CSMD1: variants seen among roughly 807,000 people sequenced by gnomAD.
The protein encoded by CSMD1 is CUB and sushi domain-containing protein 1.
CSMD1 carries 213 observed loss-of-function variants against 417.5 expected under a neutral mutation model. That is an observed-to-expected ratio of 0.51 (90% CI 0.46 to 0.57). CSMD1 has a LOEUF of 0.57. CSMD1 is among the 20% of genes least tolerant of loss of function. The probability of loss-of-function intolerance (pLI) is 0.00; values close to 1 mark genes in which losing one functional copy is unlikely to be tolerated. For synonymous variants in CSMD1, 2,862 were observed against 1,736.8 expected (o/e 1.65, Z -16.11); for missense variants, 6,923 against 4,529.7 (o/e 1.53, Z -15.17).
At position 4,749,256 on chromosome 8, in the gene CSMD1, T is replaced by C. The variant is rs1343697893; in HGVS notation, c.86-111698A>G. On this transcript the variant is annotated intron_variant, in intron 1 of 69. Coordinates refer to ENST00000635120, the MANE Select transcript of CSMD1 (RefSeq NM_033225.6). The stretch of plus-strand genomic sequence containing the variant: ...TTAAATGTTATCTTTAGAGAGAATA[T>C]GCTCATTTTATAAATTTTACTACAG... 4.6e-5 allele frequency among the ~76,000 whole-genome samples: 7 copies of C among 152,272 alleles called. 1 individual carries two copies. Among genetic ancestry groups the C allele is most frequent in the African/African-American group, 7.2e-5 (3 of 41,478 alleles).
rs1226267587 is a variant in CSMD1, at chr8:3,693,801, TGTGTGTGTGTTGTGTTTGTTATG to T, written c.1009+14590_1009+14612del. Reference sequence around the variant, plus strand: ...AATATAGATGTGTGTTGGCGTCGTGTGTGTGTGTGTTGTGTTTGTTATGGTGTGTGTGTTGTGTGTGTTAGGGT... The same window carrying T: ...AATATAGATGTGTGTTGGCGTCGTGTGTGTGTGTGTTGTGTGTGTTAGGGT... On this transcript the variant is annotated intron_variant, in intron 7 of 69. Coordinates refer to ENST00000635120, the MANE Select transcript of CSMD1 (RefSeq NM_033225.6). 4.4e-4 allele frequency among the ~76,000 whole-genome samples: 66 copies of T among 151,720 alleles called. 1 individual carries two copies. The highest frequency in any genetic ancestry group is 2.4e-5 in the African/African-American group (1 of 41,300).
chr8:3,221,056 C>T (rs1374010934), intron 28 of CSMD1, among the ~76,000 whole-genome samples: 2 of 151,570 alleles, frequency 1.3e-5, no homozygotes, highest in African/African-American at 4.9e-5. Context: ...TTTGTAATCA[C>T]TAAAATGTTC....
intron 7 of CSMD1, among the ~76,000 whole-genome samples, chr8:3,682,947 C>G (rs1458444464): frequency 1.3e-5 from 2 of 151,910 alleles, no homozygotes; most frequent in African/African-American, 2.4e-5. Context: ...ATCGCAAGGA[C>G]CAAAAACCAA....
chr8:4,308,275 A>G (rs1798360154), intron 3 of CSMD1, among the ~76,000 whole-genome samples: 1 of 151,714 alleles, frequency 6.6e-6, no homozygotes, highest in Admixed American at 6.6e-5. Context: ...TCTGTTGTGT[A>G]TAGTTGATGG....
intron 3 of CSMD1, among the ~76,000 whole-genome samples, chr8:4,176,423 T>A (rs1272242642): frequency 6.6e-6 from 1 of 152,122 alleles, no homozygotes; most frequent in Non-Finnish European, 1.5e-5. Flanking sequence ...TACCATGATT[T>A]TTACCTTGGA....
chr8:4,595,445 C>A (rs1047560452), intron 2 of CSMD1, among the ~76,000 whole-genome samples: 1 of 143,974 alleles, frequency 6.9e-6, no homozygotes, highest in Admixed American at 7.4e-5. Flanking sequence ...AATGGAAAGG[C>A]CTGGTAAGAC....
At chr8:3,485,363 T>C (rs184220128) in intron 11 of CSMD1, among the ~76,000 whole-genome samples, 11 of 152,216 alleles carry the variant, frequency 7.2e-5, no homozygotes, top group Middle Eastern at 3.4e-3. Flanking sequence ...GGAGTGCAGA[T>C]AATGTTTGGC....
intron 2 of CSMD1, among the ~76,000 whole-genome samples, chr8:4,557,959 T>G (rs1329767281): frequency 6.6e-6 from 1 of 152,182 alleles, no homozygotes; most frequent in Non-Finnish European, 1.5e-5. Context: ...AGCTGATAAA[T>G]AATAAGGTGG....
chr8:4,765,415 G>A lies in CSMD1; in HGVS notation c.86-127857C>T, dbSNP rs182455770. 2.6e-5 allele frequency among the ~76,000 whole-genome samples: 4 copies of A among 152,298 alleles called. No individual in the cohort carries two copies. In the East Asian group the frequency reaches 7.7e-4, roughly 29 times the overall value. Reference sequence around the variant, plus strand: ...TACATTGAGGATTATAGTCTTTCAAGATAATTCACTGTATACTGTTTCAAA... The same window carrying A: ...TACATTGAGGATTATAGTCTTTCAAAATAATTCACTGTATACTGTTTCAAA... On this transcript the variant is annotated intron_variant, in intron 1 of 69. Coordinates refer to ENST00000635120, the MANE Select transcript of CSMD1 (RefSeq NM_033225.6).
chr8:4,247,862 G>C (rs1419910143), intron 3 of CSMD1, among the ~76,000 whole-genome samples: 4 of 152,138 alleles, frequency 2.6e-5, no homozygotes, highest in Admixed American at 6.6e-5. Context: ...CATCGTTATA[G>C]AAATACAATG....
intron 6 of CSMD1, among the ~76,000 whole-genome samples, chr8:3,742,449 A>G (rs749239729): frequency 2.5e-4 from 38 of 152,182 alleles, no homozygotes; most frequent in Non-Finnish European, 5.0e-4. Context: ...CCTCTATCTA[A>G]TGCTTACAAT....
intron 1 of CSMD1, among the ~76,000 whole-genome samples, chr8:4,737,107 G>A (rs1384655981): frequency 6.6e-5 from 10 of 152,074 alleles, no homozygotes; most frequent in Non-Finnish European, 1.3e-4. Context: ...ATGATAGACT[G>A]AATAAAGAAA....
At chr8:4,244,377 G>A (rs957603788) in intron 3 of CSMD1, among the ~76,000 whole-genome samples, 13 of 152,152 alleles carry the variant, frequency 8.5e-5, no homozygotes, top group African/African-American at 1.4e-4. Flanking sequence ...ACCTAGAAAC[G>A]GATGTTTTTA....
chr8:4,542,623 G>T (rs530700879), intron 2 of CSMD1, among the ~76,000 whole-genome samples: 2 of 152,178 alleles, frequency 1.3e-5, no homozygotes, highest in South Asian at 2.1e-4. Context: ...TCTTCACTTT[G>T]CTCCAATGCA....
intron 5 of CSMD1, among the ~76,000 whole-genome samples, chr8:3,850,371 G>C (rs922211394): frequency 6.6e-6 from 1 of 152,130 alleles, no homozygotes; most frequent in Admixed American, 6.5e-5. Flanking sequence ...TCTTTGTCCT[G>C]TAAGCACTGA....
intron 21 of CSMD1, among the ~76,000 whole-genome samples, chr8:3,351,173 G>C (rs1223091306): frequency 6.6e-6 from 1 of 152,170 alleles, no homozygotes; most frequent in Non-Finnish European, 1.5e-5. Flanking sequence ...TCAATATGTA[G>C]CTATAACTGA....
chr8:4,146,065 A>C (rs938963900), intron 3 of CSMD1, among the ~76,000 whole-genome samples: 1 of 150,906 alleles, frequency 6.6e-6, no homozygotes, highest in African/African-American at 2.5e-5. Context: ...CAGACACTTG[A>C]GGGAGGCAAT....
intron 1 of CSMD1, among the ~76,000 whole-genome samples, chr8:4,708,198 C>A (rs1410767584): frequency 6.6e-6 from 1 of 152,226 alleles, no homozygotes; most frequent in East Asian, 1.9e-4. Flanking sequence ...AATCCACCTA[C>A]CTGGGCCTTC....
At chr8:4,271,332 G>C (rs1179862033) in intron 3 of CSMD1, among the ~76,000 whole-genome samples, 5 of 152,132 alleles carry the variant, frequency 3.3e-5, no homozygotes, top group Non-Finnish European at 7.3e-5. Context: ...TCGTTCATTA[G>C]TAAGAAACAC....
Sources: gnomAD v4.1 joint callset for allele counts (sites outside exome capture counted in the v4.1 genomes callset) on GRCh38, gnomAD v4.1.1 for gene constraint, MANE v1.5 for transcripts, NCBI Gene and HGNC (gene_info 2026-07-23, HGNC 2026-07-21) for gene names.